The following FRMD4A variants were observed in gnomAD, a reference collection of about 807,000 sequenced individuals.
The protein encoded by FRMD4A is FERM domain containing 4A.
Under a neutral mutation model 129.1 loss-of-function variants are expected in FRMD4A, and 29 were observed. The observed-to-expected ratio is 0.22, with a 90% CI of 0.17 to 0.31. The LOEUF (loss-of-function observed/expected upper bound fraction) is 0.31. Among genes scored for constraint, FRMD4A ranks in the 10% least tolerant of loss-of-function variants. FRMD4A has a pLI of 1.00. For synonymous variants in FRMD4A, 634 were observed against 571.6 expected (o/e 1.11, Z -1.56); for missense variants, 1,272 against 1,375.8 (o/e 0.92, Z 1.19).
At chr10:13,911,952 G>T (rs2094945565) in intron 2 of FRMD4A, among the ~76,000 whole-genome samples, 1 of 152,104 alleles carries the variant, frequency 6.6e-6, no homozygotes, top group Non-Finnish European at 1.5e-5. Flanking sequence ...ATGGGGTCTA[G>T]GTCCTCAAAA....
chr10:14,117,791 CT>C (rs762906439), intron 2 of FRMD4A, among the ~76,000 whole-genome samples: 7 of 152,306 alleles, frequency 4.6e-5, no homozygotes, highest in East Asian at 3.9e-4. Flanking sequence ...TTTTGATGGA[CT>C]TTTGCCTTCT....
chr10:14,256,005 C>CA (rs34674875), intron 2 of FRMD4A, among the ~76,000 whole-genome samples: 18,480 of 91,464 alleles, frequency 0.2, 1,760 homozygotes, highest in African/African-American at 0.32. Flanking sequence ...GCCTCCATCT[C>CA]AAAAAAAAAA....
chr10:13,728,580 T>A, intron 12 of FRMD4A, among the ~76,000 whole-genome samples: 1 of 131,880 alleles, frequency 7.6e-6, no homozygotes, highest in South Asian at 2.8e-4. Context: ...ATTCTTTTTT[T>A]TTTTTTTTTT....
At chr10:13,896,251 A>G (rs192548053) in intron 2 of FRMD4A, among the ~76,000 whole-genome samples, 296 of 152,360 alleles carry the variant, frequency 1.9e-3, no homozygotes, top group Non-Finnish European at 3.6e-3. Context: ...TTACAATAGC[A>G]AAGACTTAGA....
chr10:13,928,939 A>G (rs753493420), intron 2 of FRMD4A, among the ~76,000 whole-genome samples: 42 of 152,358 alleles, frequency 2.8e-4, no homozygotes, highest in Middle Eastern at 3.4e-3. Flanking sequence ...TCTCAGTTTA[A>G]TAAGGCCTCC....
intron 2 of FRMD4A, among the ~76,000 whole-genome samples, chr10:13,983,952 G>A (rs1336949479): frequency 1.3e-5 from 2 of 151,866 alleles, no homozygotes; most frequent in Non-Finnish European, 2.9e-5. Flanking sequence ...GCAGTGAGCC[G>A]AGACTGCGCC....
At chr10:13,859,709 A>G (rs889190925) in intron 2 of FRMD4A, among the ~76,000 whole-genome samples, 1 of 152,092 alleles carries the variant, frequency 6.6e-6, no homozygotes, top group Non-Finnish European at 1.5e-5. Context: ...AATGAATTTG[A>G]TTTCTGTGTT....
intron 2 of FRMD4A, among the ~76,000 whole-genome samples, chr10:14,125,741 G>C (rs570949041): frequency 1.4e-5 from 2 of 143,536 alleles, no homozygotes; most frequent in Admixed American, 6.8e-5. Context: ...ACACACACAC[G>C]TGCACACTCA....
intron 2 of FRMD4A, among the ~76,000 whole-genome samples, chr10:13,942,555 T>C (rs969621644): frequency 2.7e-4 from 41 of 152,204 alleles, no homozygotes; most frequent in Admixed American, 2.3e-3. Context: ...AAGGTACGAA[T>C]GAATTGTTTT....
chr10:14,209,070 G>C (rs1282644712), intron 2 of FRMD4A, among the ~76,000 whole-genome samples: 1 of 152,052 alleles, frequency 6.6e-6, no homozygotes, highest in African/African-American at 2.4e-5. Flanking sequence ...AGTAAATGCA[G>C]GGTTGAAGGA....
At chr10:14,140,723 T>G (rs140964193) in intron 2 of FRMD4A, among the ~76,000 whole-genome samples, 149 of 152,284 alleles carry the variant, frequency 9.8e-4, no homozygotes, top group Middle Eastern at 3.4e-3. Flanking sequence ...TGCTTGTAAT[T>G]CAAAATCTAT....
At chr10:13,758,573 AT>A (rs1356184577) in intron 8 of FRMD4A, among the ~76,000 whole-genome samples, 5 of 152,194 alleles carry the variant, frequency 3.3e-5, no homozygotes, top group Non-Finnish European at 7.4e-5. Flanking sequence ...TGGGGCCCAC[AT>A]GTGCACTAGG....
chr10:13,910,667 G>A (rs2094931002), intron 2 of FRMD4A, among the ~76,000 whole-genome samples: 1 of 152,100 alleles, frequency 6.6e-6, no homozygotes, highest in African/African-American at 2.4e-5. Context: ...GTTTTAATTT[G>A]CAAAGGATTT....
In FRMD4A at chr10:14,092,779, G is replaced by A. The variant is rs778215217; in HGVS notation, c.46-233867C>T. Among the ~76,000 whole-genome samples the A allele has an allele frequency of 3.9e-5, 6 of 152,180 alleles. 1 individual carries two copies. The South Asian group carries it at 1.0e-3, about 26-fold the overall frequency. On this transcript the variant is annotated intron_variant, in intron 2 of 24. Transcript: ENST00000357447. The stretch of plus-strand genomic sequence containing the variant: ...GTCTGTCATCAAATAGGTGGGTCTC[G>A]GGACCAGGCTGGGATATAAAGGTGG...
At chr10:14,003,007 G>C (rs561447265) in intron 2 of FRMD4A, among the ~76,000 whole-genome samples, 1 of 152,196 alleles carries the variant, frequency 6.6e-6, no homozygotes, top group Admixed American at 6.5e-5. Flanking sequence ...GAAAGGCCTT[G>C]TGATTTGTCC....
At chr10:13,919,174 A>G (rs1453937940) in intron 2 of FRMD4A, among the ~76,000 whole-genome samples, 1 of 152,190 alleles carries the variant, frequency 6.6e-6, no homozygotes, top group Non-Finnish European at 1.5e-5. Flanking sequence ...AGGAAAAAAA[A>G]AGTCTCTTAG....
intron 2 of FRMD4A, among the ~76,000 whole-genome samples, chr10:14,153,320 C>T (rs1179135561): frequency 2.0e-5 from 3 of 152,066 alleles, no homozygotes; most frequent in Non-Finnish European, 4.4e-5. Context: ...TTTTGTGTTG[C>T]CTTCTGCATG....
chr10:13,817,119 A>G (rs966316650), intron 3 of FRMD4A, among the ~76,000 whole-genome samples: 2 of 152,206 alleles, frequency 1.3e-5, no homozygotes, highest in Non-Finnish European at 2.9e-5. Flanking sequence ...TATACTTCTC[A>G]GTGGCACCAC....
intron 6 of FRMD4A, among the ~76,000 whole-genome samples, chr10:13,773,705 GATC>G (rs368699944): frequency 4.7e-4 from 71 of 152,302 alleles, no homozygotes; most frequent in African/African-American, 1.6e-3. Flanking sequence ...TTTGATGGTG[GATC>G]ATCTTCTTCT....
Sources: allele counts gnomAD v4.1 joint callset (sites outside exome capture counted in the v4.1 genomes callset), GRCh38; gene constraint gnomAD v4.1.1; transcripts MANE v1.5; gene names NCBI Gene and HGNC (gene_info 2026-07-23, HGNC 2026-07-21).